The following CORIN variants were observed in gnomAD, a reference collection of about 807,000 sequenced individuals.
CORIN encodes corin, serine peptidase, also known as atrial natriuretic peptide-converting enzyme.
In CORIN, 117 loss-of-function variants were observed where a neutral mutation model predicts 125.3. The ratio of observed to expected loss-of-function variants is 0.93; its 90% confidence interval spans 0.80 to 1.09. The LOEUF (loss-of-function observed/expected upper bound fraction) is 1.09, where lower values mean the gene tolerates loss of function less well. CORIN is among the 50% of genes least tolerant of loss of function. The probability of loss-of-function intolerance (pLI) is 0.00; values close to 1 mark genes in which losing one functional copy is unlikely to be tolerated. For synonymous variants in CORIN, 450 were observed against 466.4 expected, an observed-to-expected ratio of 0.96 and a Z score of 0.45; for missense variants, 1,253 against 1,306.7, an observed-to-expected ratio of 0.96 and a Z score of 0.63.
intron 5 of CORIN, among the ~76,000 whole-genome samples, chr4:47,696,404 T>G (rs560209578): frequency 8.5e-5 from 13 of 152,312 alleles, no homozygotes; most frequent in African/African-American, 3.1e-4. Context: ...ATATATTTAC[T>G]GAGTGTCTAC....
chr4:47,770,043 C>T (rs1175801357), intron 3 of CORIN, among the ~76,000 whole-genome samples: 1 of 151,950 alleles, frequency 6.6e-6, no homozygotes, highest in African/African-American at 2.4e-5. Flanking sequence ...AGCTTCTTCC[C>T]AGGAAACAGT....
intron 13 of CORIN, among the ~76,000 whole-genome samples, chr4:47,645,685 T>C (rs1330411194): frequency 6.6e-6 from 1 of 151,500 alleles, no homozygotes; most frequent in South Asian, 2.1e-4. Flanking sequence ...AGCTCAGGAG[T>C]TGGAGACCAG....
chr4:47,776,711 T>C (rs1200803653), intron 3 of CORIN, among the ~76,000 whole-genome samples: 3 of 152,206 alleles, frequency 2.0e-5, no homozygotes, highest in African/African-American at 7.2e-5. Flanking sequence ...TATCTCCCAC[T>C]TCCTGAGGTG....
chr4:47,722,911 G>A (rs1024964883), intron 5 of CORIN, among the ~76,000 whole-genome samples: 1 of 152,198 alleles, frequency 6.6e-6, no homozygotes, highest in Admixed American at 6.5e-5. Context: ...AGAGTAATAA[G>A]GAGGTGAGCT....
Position 47,630,276 on chromosome 4 carries a change from C to T in CORIN, c.2199-3755G>A, listed in dbSNP as rs1722757582. On this transcript the variant is annotated intron_variant, in intron 16 of 21. Transcript: ENST00000273857. Reference sequence around the variant, plus strand: ...AAAGAATAATAGTAATATACATGCACATCAAGAATATGTGTGCCTGTACTT... The same window carrying T: ...AAAGAATAATAGTAATATACATGCATATCAAGAATATGTGTGCCTGTACTT... 2.6e-5 allele frequency among the ~76,000 whole-genome samples: 4 copies of T among 152,240 alleles called. No individual in the cohort carries two copies. In the South Asian group the frequency reaches 6.2e-4, roughly 24 times the overall value.
chr4:47,605,174 T>C (rs1450455578), intron 19 of CORIN, among the ~76,000 whole-genome samples: 1 of 152,178 alleles, frequency 6.6e-6, no homozygotes, highest in African/African-American at 2.4e-5. Flanking sequence ...CCCTTCACTC[T>C]ACTTGACACT....
At chr4:47,677,201 C>T (rs1355855393) in intron 9 of CORIN, among the ~76,000 whole-genome samples, 4 of 152,170 alleles carry the variant, frequency 2.6e-5, no homozygotes, top group African/African-American at 4.8e-5. Flanking sequence ...TGTACAGACA[C>T]GCAAACTGAG....
chr4:47,746,691 C>T (rs760505979), intron 4 of CORIN, among the ~76,000 whole-genome samples: 4 of 152,048 alleles, frequency 2.6e-5, no homozygotes, highest in Admixed American at 6.5e-5. Flanking sequence ...TGCGCCACCT[C>T]GCCCGGCTAA....
At chr4:47,837,436 A>G in intron 1 of CORIN, 1 of 242,038 alleles carries the variant, frequency 4.1e-6, no homozygotes, top group Non-Finnish European at 8.1e-6. Flanking sequence ...ACGCCGGCGC[A>G]GACAGGAAGC....
intron 3 of CORIN, among the ~76,000 whole-genome samples, chr4:47,777,622 C>T (rs1032721734): frequency 1.2e-4 from 19 of 152,154 alleles, no homozygotes; most frequent in Admixed American, 1.1e-3. Context: ...CAGAGCAAGA[C>T]TCCGTCTCAA....
intron 1 of CORIN, among the ~76,000 whole-genome samples, chr4:47,813,726 G>A (rs1004361652): frequency 6.6e-6 from 1 of 152,152 alleles, no homozygotes; most frequent in Non-Finnish European, 1.5e-5. Context: ...ATACCAAAAT[G>A]TTCTTAAATA....
chr4:47,724,925 G>T (rs1483648217), intron 5 of CORIN, among the ~76,000 whole-genome samples: 1 of 152,172 alleles, frequency 6.6e-6, no homozygotes, highest in Non-Finnish European at 1.5e-5. Flanking sequence ...ATTCAGAGGT[G>T]AGGGGATTAT....
intron 3 of CORIN, among the ~76,000 whole-genome samples, chr4:47,785,006 T>G (rs1730722067): frequency 6.6e-6 from 1 of 152,194 alleles, no homozygotes; most frequent in African/African-American, 2.4e-5. Flanking sequence ...AAAGTCAACT[T>G]AATCCTTCCT....
At chr4:47,651,817 AACCC>A (rs1267045549) in intron 13 of CORIN, among the ~76,000 whole-genome samples, 1 of 152,296 alleles carries the variant, frequency 6.6e-6, no homozygotes, top group Admixed American at 6.5e-5. Context: ...GGGTCGTTTA[AACCC>A]TATACCAATA....
At chr4:47,780,154 G>A (rs1002833697) in intron 3 of CORIN, among the ~76,000 whole-genome samples, 4 of 151,658 alleles carry the variant, frequency 2.6e-5, no homozygotes, top group African/African-American at 7.3e-5. Context: ...ATTCTTGGAT[G>A]GGAAAGATAT....
At chr4:47,642,076 C>G in intron 15 of CORIN, 27 bp from the exon 16 acceptor site, 2 of 1,605,330 alleles carry the variant, frequency 1.2e-6, no homozygotes, top group Non-Finnish European at 1.7e-6. Flanking sequence ...CAAGGGAAAC[C>G]CTAATTAAAA....
intron 16 of CORIN, among the ~76,000 whole-genome samples, chr4:47,634,930 C>G (rs186247213): frequency 6.6e-6 from 1 of 152,270 alleles, no homozygotes; most frequent in Non-Finnish European, 1.5e-5. Flanking sequence ...AATATGTGCC[C>G]GCTGCATGTG....
At chr4:47,618,678 G>T (rs1722179530) in intron 19 of CORIN, among the ~76,000 whole-genome samples, 1 of 152,092 alleles carries the variant, frequency 6.6e-6, no homozygotes, top group African/African-American at 2.4e-5. Context: ...AATTAGCCGG[G>T]CATGGTGGTG....
At chr4:47,686,756 G>A (rs572983797) in intron 6 of CORIN, among the ~76,000 whole-genome samples, 2 of 152,266 alleles carry the variant, frequency 1.3e-5, no homozygotes, top group South Asian at 2.1e-4. Context: ...CAAAGTATAC[G>A]CATGCATTCG....
Sources: allele counts gnomAD v4.1 joint callset (sites outside exome capture counted in the v4.1 genomes callset), GRCh38; gene constraint gnomAD v4.1.1; transcripts MANE v1.5; gene names NCBI Gene and HGNC (gene_info 2026-07-23, HGNC 2026-07-21).